Variants in ERGIC1 observed in about 807,000 individuals in gnomAD.
ERGIC1 encodes the protein endoplasmic reticulum-golgi intermediate compartment 1.
A neutral mutation model predicts 38.3 loss-of-function variants in ERGIC1; 19 were observed. The ratio of observed to expected loss-of-function variants is 0.50; its 90% CI spans 0.35 to 0.73. The LOEUF is 0.73. Among genes scored for constraint, ERGIC1 ranks in the 30% least tolerant of loss-of-function variants. The pLI is 0.01. For missense variants in ERGIC1, 294 were observed against 389.2 expected (o/e 0.76, Z 2.06); for synonymous variants, 124 against 157.6 (o/e 0.79, Z 1.60).
Position 172,846,334 on chromosome 5 carries a change from C to T in ERGIC1, c.20+11901C>T, listed in dbSNP as rs932682523. Among the ~76,000 whole-genome samples the T allele has an allele frequency of 7.2e-5, 11 of 152,184 alleles. No individual in the cohort carries two copies. The highest frequency in any genetic ancestry group is 2.7e-4 in the African/African-American group (11 of 41,458). ...CTTTCTGCGCTGTCTGTGCAGGACG[C>T]CCAGCACTGGGCACTTTGAGTCACT... On this transcript the variant is annotated intron_variant, in intron 1 of 9. Transcript: ENST00000393784. This position sits in a 1 kb window ranked among gnomAD's most constrained non-coding sequence, Gnocchi z 4.0.
At chr5:172,840,221 A>G (rs1761128869) in intron 1 of ERGIC1, among the ~76,000 whole-genome samples, 1 of 152,128 alleles carries the variant, frequency 6.6e-6, no homozygotes, top group African/African-American at 2.4e-5. Flanking sequence ...ACATGGAATG[A>G]GATGGAATGT....
chr5:172,910,423 A>G (rs978428568), intron 4 of ERGIC1, among the ~76,000 whole-genome samples: 20 of 152,344 alleles, frequency 1.3e-4, no homozygotes, highest in African/African-American at 4.6e-4. Flanking sequence ...GAGAGAGTGC[A>G]GGACAGGGCT....
chr5:172,870,331 G>A (rs886712299), intron 1 of ERGIC1, among the ~76,000 whole-genome samples: 2 of 152,168 alleles, frequency 1.3e-5, no homozygotes, highest in African/African-American at 4.8e-5. Flanking sequence ...AAGCTGGGAG[G>A]CTTTCTATGG....
At chr5:172,844,255 G>A (rs769317681) in intron 1 of ERGIC1, among the ~76,000 whole-genome samples, 1 of 152,326 alleles carries the variant, frequency 6.6e-6, no homozygotes, top group Non-Finnish European at 1.5e-5. Context: ...TACCTCAGTC[G>A]GTGATTGGGC....
intron 3 of ERGIC1, among the ~76,000 whole-genome samples, chr5:172,898,966 G>A (rs560276289): frequency 6.6e-6 from 1 of 152,098 alleles, no homozygotes; most frequent in South Asian, 2.1e-4. Context: ...ATGTTATGAG[G>A]TACCTGTTGT....
At chr5:172,941,167 G>T (rs1764003297) in intron 9 of ERGIC1, among the ~76,000 whole-genome samples, 2 of 152,062 alleles carry the variant, frequency 1.3e-5, no homozygotes. Flanking sequence ...AGCTACTGTG[G>T]AGGCTGAGGC....
chr5:172,894,195 C>CT (rs34730943), intron 2 of ERGIC1, among the ~76,000 whole-genome samples: 18,666 of 35,832 alleles, frequency 0.52, 4,328 homozygotes, highest in East Asian at 0.62. Context: ...ACAACTTTTT[C>CT]TTTTTTTTTT....
chr5:172,927,432 A>G (rs1006380957), intron 7 of ERGIC1, among the ~76,000 whole-genome samples: 1 of 152,182 alleles, frequency 6.6e-6, no homozygotes, highest in African/African-American at 2.4e-5. Context: ...GTCCTTGTCC[A>G]TAAGCAGAAC....
chr5:172,915,043 G>C (rs1170676453), intron 5 of ERGIC1: 2 of 784,478 alleles, frequency 2.5e-6, no homozygotes, highest in Non-Finnish European at 4.5e-6. Flanking sequence ...GCCCCTGATG[G>C]CTGGTTCAGG....
In ERGIC1 at chr5:172,951,389, C is replaced by T. The variant is rs1764227081; in HGVS notation, c.*573C>T. ...GTCACTATAGATGGAACCCTGACTT[C>T]TGCCCCATCCCTTCCTGCCCAACCT... On this transcript the variant is annotated 3_prime_UTR_variant, in exon 10 of 10. Transcript: ENST00000393784. 1 of 152,416 alleles carries T rather than the reference C, an allele frequency of 6.6e-6. No individual in the cohort carries two copies. The highest frequency in any genetic ancestry group is 6.5e-5 in the Admixed American group (1 of 15,288). The allele number at this position is 152,416 out of a possible 1,614,324, so 9.4% of individuals were successfully genotyped here. A position where few individuals can be genotyped will look rare whatever the true frequency, so the allele number is the denominator to read the frequency against.
intron 9 of ERGIC1, among the ~76,000 whole-genome samples, chr5:172,942,894 C>T (rs1342579842): frequency 6.6e-6 from 1 of 152,172 alleles, no homozygotes; most frequent in African/African-American, 2.4e-5. Context: ...ATATTTGCTA[C>T]GTAAACCTTA....
In ERGIC1 at chr5:172,919,594, G is replaced by A. The variant is rs192036503; in HGVS notation, c.376-4411G>A. ...AAGGATCCCGGCTACCATGGTCACT[G>A]GTTGAATGACTCTGGGCAGTTTAGC... On this transcript the variant is annotated intron_variant, in intron 5 of 9. Coordinates refer to ENST00000393784, the MANE Select transcript of ERGIC1 (RefSeq NM_001031711.3). Among the ~76,000 whole-genome samples the A allele has an allele frequency of 2.6e-5, 4 of 152,354 alleles. No individual in the cohort carries two copies. In the East Asian group the frequency reaches 7.7e-4, roughly 29 times the overall value.
rs1397527386 is a variant in ERGIC1 at position 172,952,136 on chromosome 5, A to T, written c.*1320A>T. ...AGCTATGCCCTCATGTCCCAGGGAGAGAGCCACACGCCTGTTTTCCATTTA... is the reference window on the plus strand; with the variant it reads ...AGCTATGCCCTCATGTCCCAGGGAGTGAGCCACACGCCTGTTTTCCATTTA... On this transcript the variant is annotated 3_prime_UTR_variant, in exon 10 of 10. Transcript: ENST00000393784. 1 of 152,212 alleles carries T rather than the reference A, an allele frequency of 6.6e-6. No individual in the cohort carries two copies. The highest frequency in any genetic ancestry group is 1.5e-5 in the Non-Finnish European group (1 of 68,056). The allele number at this position is 152,212 out of a possible 1,614,324, so 9.4% of individuals were successfully genotyped here. A position where few individuals can be genotyped will look rare whatever the true frequency, so the allele number is the denominator to read the frequency against.
intron 1 of ERGIC1, among the ~76,000 whole-genome samples, chr5:172,880,889 G>A (rs1433350626): frequency 6.6e-6 from 1 of 152,178 alleles, no homozygotes; most frequent in African/African-American, 2.4e-5. Flanking sequence ...TGGCATCCAG[G>A]TTAGTTTTTC....
chr5:172,892,825 TG>T (rs1487146046), intron 2 of ERGIC1, among the ~76,000 whole-genome samples: 4 of 152,226 alleles, frequency 2.6e-5, no homozygotes, highest in African/African-American at 9.6e-5. Context: ...CATTGTGACC[TG>T]GTCTCTGTCC....
At chr5:172,857,480 A>G (rs957601021) in intron 1 of ERGIC1, among the ~76,000 whole-genome samples, 4 of 152,078 alleles carry the variant, frequency 2.6e-5, no homozygotes, top group African/African-American at 9.7e-5. Context: ...TGCAGCAATG[A>G]ACAGTCACAG....
chr5:172,915,720 G>A (rs1172943904), intron 5 of ERGIC1: 7 of 450,564 alleles, frequency 1.6e-5, no homozygotes, highest in Non-Finnish European at 3.3e-5. Flanking sequence ...GAGAGGTTAA[G>A]TGTCTTGCCC....
chr5:172,847,357 C>G (rs1761304081), intron 1 of ERGIC1, among the ~76,000 whole-genome samples: 1 of 152,050 alleles, frequency 6.6e-6, no homozygotes, highest in Non-Finnish European at 1.5e-5. Flanking sequence ...AGCAGTGTGC[C>G]CAGAGGAAGA....
chr5:172,891,080 A>C (rs557359201), intron 2 of ERGIC1, among the ~76,000 whole-genome samples: 1 of 152,162 alleles, frequency 6.6e-6, no homozygotes, highest in Non-Finnish European at 1.5e-5. Context: ...TGGGGATTAA[A>C]TGTGTCCCGG....
Sources: allele counts gnomAD v4.1 joint callset (sites outside exome capture counted in the v4.1 genomes callset), GRCh38; gene constraint gnomAD v4.1.1; non-coding constraint Gnocchi (gnomAD v3.1); transcripts MANE v1.5; gene names NCBI Gene and HGNC (gene_info 2026-07-23, HGNC 2026-07-21).